CDH2: variants seen among roughly 807,000 people sequenced by gnomAD.
CDH2 encodes cadherin 2.
In CDH2, 17 loss-of-function variants were observed where a neutral mutation model predicts 92.0. The ratio of observed to expected loss-of-function variants is 0.18; its 90% confidence interval spans 0.13 to 0.28. CDH2 has a LOEUF of 0.28. CDH2 is among the 10% of genes least tolerant of loss of function. The pLI is 1.00. For synonymous variants in CDH2, 419 were observed against 415.9 expected, an observed-to-expected ratio of 1.01 and a Z score of -0.09; for missense variants, 862 against 1,133.1, an observed-to-expected ratio of 0.76 and a Z score of 3.44.
At chr18:27,950,061 T>C (rs914361764), downstream of CDH2, among the ~76,000 whole-genome samples, 6 of 152,050 alleles carry the variant, frequency 3.9e-5, no homozygotes, top group East Asian at 1.9e-4. Context: ...GAAAAGACTA[T>C]TCCGATTAGC....
chr18:27,965,990 GAAAAA>G (rs373927434), intron 14 of CDH2, among the ~76,000 whole-genome samples: 1 of 58,660 alleles, frequency 1.7e-5, no homozygotes, highest in African/African-American at 7.3e-5. Context: ...TGTCTAAAAG[GAAAAA>G]AAAAAAAAAA....
At chr18:28,023,315 T>C (rs1028643865) in intron 2 of CDH2, among the ~76,000 whole-genome samples, 1 of 152,110 alleles carries the variant, frequency 6.6e-6, no homozygotes, top group Admixed American at 6.6e-5. Flanking sequence ...GCCTCATGTA[T>C]GAATATGAAT....
chr18:28,030,318 A>AT (rs1193170748), intron 2 of CDH2, among the ~76,000 whole-genome samples: 2 of 152,200 alleles, frequency 1.3e-5, no homozygotes, highest in East Asian at 1.9e-4. Context: ...TTAAGTGTAA[A>AT]TTTTTTGTCT....
At chr18:28,070,768 G>A (rs2014601957) in intron 2 of CDH2, among the ~76,000 whole-genome samples, 1 of 152,182 alleles carries the variant, frequency 6.6e-6, no homozygotes, top group Admixed American at 6.5e-5. Context: ...ATGTAGGGGA[G>A]ACAAAGAGGT....
chr18:28,038,499 T>C (rs1346069372), intron 2 of CDH2, among the ~76,000 whole-genome samples: 1 of 151,468 alleles, frequency 6.6e-6, no homozygotes, highest in Non-Finnish European at 1.5e-5. Context: ...TTCTGAGTGC[T>C]ATAAAGGACT....
chr18:28,086,035 T>C (rs1420038152), intron 2 of CDH2, among the ~76,000 whole-genome samples: 2 of 152,072 alleles, frequency 1.3e-5, no homozygotes, highest in East Asian at 3.9e-4. Flanking sequence ...GGAATGACAT[T>C]TAGTGACCAG....
rs554080241 is a variant in CDH2, at chr18:28,094,015, C to T, written c.172+53658G>A. 1.3e-3 allele frequency among the ~76,000 whole-genome samples: 205 copies of T among 152,222 alleles called. 1 individual carries two copies. Among genetic ancestry groups the T allele is most frequent in the African/African-American group, 4.6e-3 (191 of 41,542 alleles). On this transcript the variant is annotated intron_variant, in intron 2 of 15. Transcript: ENST00000269141. ...CAATGAATCTAAATTATTCTTGGAGCACATTAAAAACTTAGACTCAAATGA... is the reference window on the plus strand; with the variant it reads ...CAATGAATCTAAATTATTCTTGGAGTACATTAAAAACTTAGACTCAAATGA...
At chr18:28,133,854 C>A (rs1244958461) in intron 2 of CDH2, among the ~76,000 whole-genome samples, 1 of 151,994 alleles carries the variant, frequency 6.6e-6, no homozygotes. Context: ...TCTTCTATCA[C>A]CATGCATAGG....
chr18:28,109,777 T>A (rs552030194), intron 2 of CDH2, among the ~76,000 whole-genome samples: 1 of 152,298 alleles, frequency 6.6e-6, no homozygotes, highest in African/African-American at 2.4e-5. Flanking sequence ...AATCTGAAGA[T>A]CAAGAAGAAA....
chr18:28,175,679 G>A (rs971582516), intron 1 of CDH2, among the ~76,000 whole-genome samples: 1 of 152,168 alleles, frequency 6.6e-6, no homozygotes, highest in Non-Finnish European at 1.5e-5. Flanking sequence ...CCACGGAGCG[G>A]GGTAATCCAC....
intron 2 of CDH2, among the ~76,000 whole-genome samples, chr18:28,055,589 T>C (rs1421048268): frequency 6.6e-6 from 1 of 152,230 alleles, no homozygotes; most frequent in Non-Finnish European, 1.5e-5. Context: ...TATCTATATA[T>C]GTCTGTATGT....
intron 6 of CDH2, among the ~76,000 whole-genome samples, chr18:27,943,321 G>A (rs538913595): frequency 6.6e-5 from 10 of 152,274 alleles, no homozygotes; most frequent in African/African-American, 2.2e-4. Context: ...CTCTGCCACT[G>A]ACTAGCTCAG....
At chr18:28,151,233 C>T (rs1030524179) in intron 1 of CDH2, among the ~76,000 whole-genome samples, 10 of 152,208 alleles carry the variant, frequency 6.6e-5, no homozygotes, top group Admixed American at 3.3e-4. Flanking sequence ...TGTTCTACAA[C>T]AGTAGCTCTC....
At chr18:28,025,274 T>C (rs1358973881) in intron 2 of CDH2, among the ~76,000 whole-genome samples, 1 of 152,096 alleles carries the variant, frequency 6.6e-6, no homozygotes, top group Non-Finnish European at 1.5e-5. Context: ...TCCTAGCACT[T>C]TGGCAGGCTG....
At chr18:28,008,898 T>C (rs1372961481) in intron 5 of CDH2, among the ~76,000 whole-genome samples, 6 of 152,046 alleles carry the variant, frequency 3.9e-5, no homozygotes. Context: ...GATGGATCAA[T>C]GGGGAAACTA....
intron 15 of CDH2, 67 bp from the exon 16 acceptor site, chr18:27,952,426 G>T (rs1909506995): frequency 3.3e-6 from 4 of 1,227,536 alleles, no homozygotes; most frequent in African/African-American, 1.5e-5. Context: ...ACCACAAGCA[G>T]ATCCTAATGA....
intron 1 of CDH2, among the ~76,000 whole-genome samples, chr18:28,174,314 C>G (rs1431455722): frequency 6.6e-6 from 1 of 152,012 alleles, no homozygotes; most frequent in Non-Finnish European, 1.5e-5. Flanking sequence ...TTTCACCTTG[C>G]AGATAGAGCT....
At chr18:27,963,649 C>G in intron 14 of CDH2, 128 bp from the exon 15 acceptor site, 1 of 711,978 alleles carries the variant, frequency 1.4e-6, no homozygotes, top group South Asian at 1.9e-5. Flanking sequence ...GAAAAGTTGC[C>G]ACTATGAGTT....
chr18:28,141,645 T>C (rs529933239), intron 2 of CDH2, among the ~76,000 whole-genome samples: 1 of 152,098 alleles, frequency 6.6e-6, no homozygotes, highest in South Asian at 2.1e-4. Context: ...GGTCTCCCCT[T>C]CCCCTCTTGT....
Sources: gnomAD v4.1 joint callset for allele counts (sites outside exome capture counted in the v4.1 genomes callset) on GRCh38, gnomAD v4.1.1 for gene constraint, MANE v1.5 for transcripts, NCBI Gene and HGNC (gene_info 2026-07-23, HGNC 2026-07-21) for gene names.